The following MAGI1 variants were observed in gnomAD, a reference collection of about 807,000 sequenced individuals.
MAGI1 encodes the protein membrane-associated guanylate kinase, WW and PDZ domain-containing protein 1.
MAGI1 carries 58 observed loss-of-function variants against 139.9 expected under a neutral mutation model. The ratio of observed to expected loss-of-function variants is 0.41; its 90% CI spans 0.34 to 0.52. The LOEUF is 0.52. Ranked by LOEUF, MAGI1 falls within the 20% of genes least tolerant of loss-of-function variation. The pLI is 0.12. For synonymous variants in MAGI1, 812 were observed against 737.9 expected, an observed-to-expected ratio of 1.10 and a Z score of -1.63; for missense variants, 1,874 against 1,901.6, an observed-to-expected ratio of 0.99 and a Z score of 0.27.
At chr3:65,977,899 C>T (rs924801528) in intron 1 of MAGI1, among the ~76,000 whole-genome samples, 1 of 152,124 alleles carries the variant, frequency 6.6e-6, no homozygotes, top group African/African-American at 2.4e-5. Flanking sequence ...TGTCCTCTGC[C>T]CCCAGATCAC....
intron 1 of MAGI1, among the ~76,000 whole-genome samples, chr3:65,660,808 C>T (rs996522191): frequency 6.6e-5 from 10 of 152,174 alleles, no homozygotes; most frequent in African/African-American, 2.4e-4. Flanking sequence ...CACCATGTCT[C>T]GCCTTCCATA....
chr3:65,507,417 T>A (rs2077340232), intron 2 of MAGI1, among the ~76,000 whole-genome samples: 1 of 152,150 alleles, frequency 6.6e-6, no homozygotes, highest in Admixed American at 6.5e-5. Context: ...TCACATAAAA[T>A]TGTATGAGGA....
intron 1 of MAGI1, among the ~76,000 whole-genome samples, chr3:65,704,770 C>G (rs1480609728): frequency 1.3e-5 from 2 of 152,046 alleles, no homozygotes; most frequent in Non-Finnish European, 2.9e-5. Flanking sequence ...GTAGCTAACA[C>G]TTTGTAGAAA....
intron 1 of MAGI1, among the ~76,000 whole-genome samples, chr3:66,019,718 G>C (rs2067859456): frequency 6.6e-6 from 1 of 152,174 alleles, no homozygotes; most frequent in Admixed American, 6.5e-5. Context: ...ATCGGGTCAA[G>C]TTAAAACTCA....
intron 1 of MAGI1, among the ~76,000 whole-genome samples, chr3:65,727,914 T>C (rs1258125588): frequency 1.3e-5 from 2 of 152,326 alleles, no homozygotes; most frequent in African/African-American, 4.8e-5. Context: ...ATCCGGGTGA[T>C]GTCAGGGAGA....
At chr3:65,416,020 A>G (rs942506138) in intron 12 of MAGI1, among the ~76,000 whole-genome samples, 13 of 152,234 alleles carry the variant, frequency 8.5e-5, no homozygotes, top group Admixed American at 8.5e-4. Context: ...TCTCTATGGC[A>G]AAAGTAACTA....
At chr3:65,740,787 AT>A (rs1424821425) in intron 1 of MAGI1, among the ~76,000 whole-genome samples, 2 of 152,254 alleles carry the variant, frequency 1.3e-5, no homozygotes, top group Admixed American at 1.3e-4. Context: ...AGATTTAAAA[AT>A]TTAAGGCACA....
chr3:65,971,069 GGC>G (rs1218280523), intron 1 of MAGI1, among the ~76,000 whole-genome samples: 3 of 152,170 alleles, frequency 2.0e-5, no homozygotes, highest in Non-Finnish European at 4.4e-5. Flanking sequence ...CAGGCATGGT[GGC>G]GGGCGCCTGT....
intron 2 of MAGI1, among the ~76,000 whole-genome samples, chr3:65,545,400 G>T (rs1015633871): frequency 6.6e-6 from 1 of 152,094 alleles, no homozygotes; most frequent in Non-Finnish European, 1.5e-5. Context: ...GAACTCCTGA[G>T]GACTTCTTCC....
intron 1 of MAGI1, chr3:65,925,292 AGTGCAGGTAGT>A (rs2062438633): frequency 6.6e-6 from 1 of 152,204 alleles, no homozygotes; most frequent in South Asian, 2.1e-4. Flanking sequence ...AAAAGGCCTC[AGTGCAGGTAGT>A]GTTTTTTTTT....
intron 1 of MAGI1, among the ~76,000 whole-genome samples, chr3:65,809,960 A>C (rs1041581137): frequency 2.0e-5 from 3 of 151,048 alleles, no homozygotes; most frequent in Non-Finnish European, 4.4e-5. Flanking sequence ...CTACACACAC[A>C]ACCTCACATA....
At chr3:65,391,896 A>T (rs1001304951) in intron 13 of MAGI1, among the ~76,000 whole-genome samples, 1 of 152,216 alleles carries the variant, frequency 6.6e-6, no homozygotes, top group Admixed American at 6.5e-5. Flanking sequence ...TCTTTTAAAA[A>T]TCATGCCTAG....
chr3:65,625,927 T>C (rs17073219), intron 1 of MAGI1, among the ~76,000 whole-genome samples: 8,540 of 152,290 alleles, frequency 0.056, 499 homozygotes, highest in African/African-American at 0.15. Flanking sequence ...TTCCAGGCAT[T>C]GTGCTGGGGC....
At chr3:65,594,375 T>C (rs115988077) in intron 2 of MAGI1, among the ~76,000 whole-genome samples, 17 of 152,288 alleles carry the variant, frequency 1.1e-4, no homozygotes, top group African/African-American at 3.8e-4. Flanking sequence ...GTCATGTAAA[T>C]TTACTGAAGG....
intron 1 of MAGI1, among the ~76,000 whole-genome samples, chr3:65,996,677 C>T (rs902089839): frequency 7.2e-5 from 11 of 152,168 alleles, no homozygotes; most frequent in Admixed American, 3.3e-4. Flanking sequence ...GGAGAACTCC[C>T]ACATTTCCTG....
intron 4 of MAGI1, among the ~76,000 whole-genome samples, chr3:65,474,612 T>TAC (rs60798256): frequency 0.02 from 3,056 of 150,670 alleles, 78 homozygotes; most frequent in African/African-American, 0.057. Context: ...CAAGCTTTTA[T>TAC]ACACACACAC....
chr3:65,875,566 T>A (rs956594819), intron 1 of MAGI1, among the ~76,000 whole-genome samples: 1 of 152,156 alleles, frequency 6.6e-6, no homozygotes, highest in Non-Finnish European at 1.5e-5. Flanking sequence ...ACAGATCTAT[T>A]TGTAGCTCTG....
At chr3:65,822,426 G>A (rs925707364) in intron 1 of MAGI1, among the ~76,000 whole-genome samples, 3 of 152,116 alleles carry the variant, frequency 2.0e-5, no homozygotes, top group Non-Finnish European at 4.4e-5. Context: ...TACTCCGGAG[G>A]CTGAGCCAGA....
At chr3:65,408,112 C>T (rs1432015722) in intron 12 of MAGI1, among the ~76,000 whole-genome samples, 1 of 152,184 alleles carries the variant, frequency 6.6e-6, no homozygotes, top group Non-Finnish European at 1.5e-5. Flanking sequence ...CTCAGAAACC[C>T]ACTCTATTGG....
Sources: gnomAD v4.1 joint callset for allele counts (sites outside exome capture counted in the v4.1 genomes callset) on GRCh38, gnomAD v4.1.1 for gene constraint, MANE v1.5 for transcripts, NCBI Gene and HGNC (gene_info 2026-07-23, HGNC 2026-07-21) for gene names.